The following PPP3CA variants were observed in gnomAD, a reference collection of about 807,000 sequenced individuals.
PPP3CA encodes CAM-PRP catalytic subunit.
A neutral mutation model predicts 66.5 loss-of-function variants in PPP3CA; 14 were observed. The observed-to-expected ratio is 0.21, with a 90% CI of 0.14 to 0.33. The LOEUF (loss-of-function observed/expected upper bound fraction) is 0.33. Among genes scored for constraint, PPP3CA ranks in the 10% least tolerant of loss-of-function variants. PPP3CA has a pLI of 1.00. For missense variants in PPP3CA, 317 were observed against 639.5 expected, an observed-to-expected ratio of 0.50 and a Z score of 5.44; for synonymous variants, 232 against 226.2, an observed-to-expected ratio of 1.03 and a Z score of -0.23.
chr4:101,172,593 TC>T (rs1723921572), intron 2 of PPP3CA, among the ~76,000 whole-genome samples: 1 of 152,072 alleles, frequency 6.6e-6, no homozygotes, highest in African/African-American at 2.4e-5. Context: ...CGAGTCTTTG[TC>T]CCCCTTCCTC....
intron 1 of PPP3CA, among the ~76,000 whole-genome samples, chr4:101,324,011 G>T (rs909581945): frequency 1.3e-5 from 2 of 152,078 alleles, no homozygotes; most frequent in African/African-American, 4.8e-5. Flanking sequence ...TACTCAGAAG[G>T]CTGAGGCACA....
intron 1 of PPP3CA, among the ~76,000 whole-genome samples, chr4:101,260,956 A>G (rs1196425123): frequency 6.6e-6 from 1 of 152,158 alleles, no homozygotes; most frequent in Non-Finnish European, 1.5e-5. Flanking sequence ...TACAAAAGAA[A>G]AGGGGTTAGA....
intron 11 of PPP3CA, among the ~76,000 whole-genome samples, chr4:101,034,307 A>C (rs1263254669): frequency 2.0e-5 from 3 of 152,160 alleles, no homozygotes; most frequent in Non-Finnish European, 4.4e-5. Context: ...TCTTTGCTCC[A>C]ATATCGCCTT....
intron 1 of PPP3CA, among the ~76,000 whole-genome samples, chr4:101,217,390 A>G (rs1242448633): frequency 6.6e-6 from 1 of 152,026 alleles, no homozygotes; most frequent in Non-Finnish European, 1.5e-5. Flanking sequence ...AAACTACCTA[A>G]TCTATTAAAC....
chr4:101,148,110 T>C (rs1211812551), intron 2 of PPP3CA, among the ~76,000 whole-genome samples: 1 of 152,178 alleles, frequency 6.6e-6, no homozygotes, highest in Non-Finnish European at 1.5e-5. Context: ...ATTATCATTA[T>C]TGCTGAAATA....
At chr4:101,343,487 G>A (rs535047467) in intron 1 of PPP3CA, among the ~76,000 whole-genome samples, 1 of 152,206 alleles carries the variant, frequency 6.6e-6, no homozygotes, top group South Asian at 2.1e-4. Context: ...ATTGCCCTCG[G>A]TTTGCTGTAT....
At chr4:101,265,495 C>G (rs1387782293) in intron 1 of PPP3CA, among the ~76,000 whole-genome samples, 1 of 152,078 alleles carries the variant, frequency 6.6e-6, no homozygotes, top group Non-Finnish European at 1.5e-5. Flanking sequence ...TTATCACAAA[C>G]AGAGAAGATA....
chr4:101,303,444 A>G (rs889475725), intron 1 of PPP3CA, among the ~76,000 whole-genome samples: 2 of 152,182 alleles, frequency 1.3e-5, no homozygotes, highest in Admixed American at 6.5e-5. Context: ...ATATGTACCT[A>G]CATATCTACA....
At chr4:101,049,208 C>A (rs1011148080) in intron 10 of PPP3CA, among the ~76,000 whole-genome samples, 1 of 152,084 alleles carries the variant, frequency 6.6e-6, no homozygotes, top group Admixed American at 6.6e-5. Context: ...TTTAATGACT[C>A]CTTGGTTGAG....
At chr4:101,339,666 C>T (rs530536596) in intron 1 of PPP3CA, among the ~76,000 whole-genome samples, 2 of 152,298 alleles carry the variant, frequency 1.3e-5, no homozygotes, top group South Asian at 4.1e-4. Flanking sequence ...TCAGGAGGCA[C>T]ATGAGAATTT....
chr4:101,078,512 T>G (rs191584775), intron 8 of PPP3CA, among the ~76,000 whole-genome samples: 1 of 152,322 alleles, frequency 6.6e-6, no homozygotes, highest in Non-Finnish European at 1.5e-5. Flanking sequence ...ATGTATTTCG[T>G]GTTTGACTCT....
At chr4:101,040,668 A>G (rs1727475920) in intron 10 of PPP3CA, 102 bp from the exon 11 acceptor site, 1 of 719,106 alleles carries the variant, frequency 1.4e-6, no homozygotes, top group East Asian at 3.6e-5. Flanking sequence ...CAAAATCAGT[A>G]TTTTTTTTTT....
At chr4:101,207,592 C>T (rs1162429797) in intron 1 of PPP3CA, among the ~76,000 whole-genome samples, 3 of 152,064 alleles carry the variant, frequency 2.0e-5, no homozygotes, top group Non-Finnish European at 2.9e-5. Context: ...ACTGGGAGGC[C>T]GAGGTGGGCA....
chr4:101,074,724 G>A (rs1054499199), intron 8 of PPP3CA, among the ~76,000 whole-genome samples: 14 of 152,114 alleles, frequency 9.2e-5, no homozygotes, highest in African/African-American at 3.4e-4. Context: ...TGAGGATATG[G>A]AAAACATCAA....
chr4:101,104,963 GA>G (rs1730594774), intron 3 of PPP3CA, among the ~76,000 whole-genome samples: 1 of 152,180 alleles, frequency 6.6e-6, no homozygotes, highest in South Asian at 2.1e-4. Context: ...ATGCATCTTA[GA>G]ACTTTTAAAT....
chr4:101,026,060 A>G lies in PPP3CA; in HGVS notation c.1371T>C (p.Ala457=). 2 of 1,581,442 alleles carry G rather than the reference A, an allele frequency of 1.3e-6. No individual in the cohort carries two copies. Among genetic ancestry groups the G allele is most frequent in the Non-Finnish European group, 1.7e-6 (2 of 1,165,404 alleles). The change falls in exon 14 of 14, where the codon GCT becomes GCC. Residue 457 remains alanine (A), a splice_region_variant and synonymous_variant. Transcript: ENST00000394854. ...TATGTTGTGGTGAAAATCCTTTGAT[A>G]GCTAAACAGAAAATCATTAAAAAAA... ...ATVEAIEADE[A]IKGFSPQHKI...
At chr4:101,317,395 C>T (rs1392535161) in intron 1 of PPP3CA, among the ~76,000 whole-genome samples, 1 of 152,076 alleles carries the variant, frequency 6.6e-6, no homozygotes, top group African/African-American at 2.4e-5. Flanking sequence ...ATTTTACATA[C>T]TTGTAAAAAT....
chr4:101,023,500 C>CA lies in PPP3CA; in HGVS notation c.*2364dup, dbSNP rs748513813. On this transcript the variant is annotated 3_prime_UTR_variant, in exon 14 of 14. Coordinates refer to ENST00000394854, the MANE Select transcript of PPP3CA (RefSeq NM_000944.5). The stretch of plus-strand genomic sequence containing the variant: ...GCACAATTTGTAAAAGAAAGGAATC[C>CA]AAAAAAATGAATTTTTTTTAGTCAG... The CA allele has an allele frequency of 5.9e-5, 9 of 151,958 alleles. No homozygotes were observed. The South Asian group carries it at 6.2e-4, about 10-fold the overall frequency. 9.4% of individuals were successfully genotyped at this position (151,958 alleles called of 1,614,324 possible). A position where few individuals can be genotyped will look rare whatever the true frequency, so the allele number is the denominator to read the frequency against.
At chr4:101,044,953 T>C (rs778433634) in intron 10 of PPP3CA, among the ~76,000 whole-genome samples, 4 of 152,186 alleles carry the variant, frequency 2.6e-5, no homozygotes, top group Non-Finnish European at 4.4e-5. Flanking sequence ...CCACAGATAG[T>C]GGGGGCAAGT....
Sources: gnomAD v4.1 joint callset for allele counts (sites outside exome capture counted in the v4.1 genomes callset) on GRCh38, gnomAD v4.1.1 for gene constraint, MANE v1.5 for transcripts, NCBI Gene and HGNC (gene_info 2026-07-23, HGNC 2026-07-21) for gene names.